The following NKAIN3 variants were observed in gnomAD, a reference collection of about 807,000 sequenced individuals.
NKAIN3 encodes sodium/potassium-transporting ATPase subunit beta-1-interacting protein 3.
A neutral mutation model predicts 30.2 loss-of-function variants in NKAIN3; 25 were observed. The observed-to-expected ratio is 0.83, with a 90% CI of 0.60 to 1.16. The LOEUF (loss-of-function observed/expected upper bound fraction) is 1.16, where lower values mean the gene tolerates loss of function less well. Among genes scored for constraint, NKAIN3 ranks in the 50% most tolerant of loss-of-function variants. NKAIN3 has a pLI of 0.00. For synonymous variants in NKAIN3, 91 were observed against 89.6 expected (o/e 1.02, Z -0.09); for missense variants, 225 against 254.1 (o/e 0.89, Z 0.78).
At chr8:62,364,086 G>A (rs1162192292) in intron 1 of NKAIN3, among the ~76,000 whole-genome samples, 1 of 152,102 alleles carries the variant, frequency 6.6e-6, no homozygotes, top group African/African-American at 2.4e-5. Flanking sequence ...TTTCATGTAT[G>A]CTTTTCTTTA....
At chr8:62,803,556 T>A (rs1310825962) in intron 4 of NKAIN3, among the ~76,000 whole-genome samples, 1 of 152,082 alleles carries the variant, frequency 6.6e-6, no homozygotes, top group East Asian at 1.9e-4. Flanking sequence ...AAGATGTTCT[T>A]TGAAACCAAC....
chr8:62,915,250 A>C (rs1822056530), intron 4 of NKAIN3, among the ~76,000 whole-genome samples: 1 of 152,208 alleles, frequency 6.6e-6, no homozygotes, highest in South Asian at 2.1e-4. Flanking sequence ...GGCAAACGAG[A>C]ATGAATAAAG....
chr8:62,711,040 G>C (rs959951013), intron 3 of NKAIN3, among the ~76,000 whole-genome samples: 24 of 152,056 alleles, frequency 1.6e-4, no homozygotes, highest in Admixed American at 1.6e-3. Flanking sequence ...TAATTGTTTT[G>C]TTTGAGAAGG....
chr8:62,401,112 T>C (rs907618684), intron 1 of NKAIN3, among the ~76,000 whole-genome samples: 4 of 151,876 alleles, frequency 2.6e-5, no homozygotes, highest in African/African-American at 9.7e-5. Flanking sequence ...ATGCATGCAT[T>C]ATTCTCATTT....
intron 1 of NKAIN3, among the ~76,000 whole-genome samples, chr8:62,459,582 A>C (rs927134388): frequency 2.6e-5 from 4 of 152,218 alleles, no homozygotes; most frequent in African/African-American, 9.6e-5. Context: ...AAGGGATGAT[A>C]AATGCAATGA....
At chr8:62,549,972 G>A (rs1585934506) in intron 1 of NKAIN3, among the ~76,000 whole-genome samples, 1 of 149,282 alleles carries the variant, frequency 6.7e-6, no homozygotes, top group East Asian at 2.0e-4. Context: ...CTATTTGTAT[G>A]TTTATTCAAA....
At chr8:62,623,009 GGT>G (rs1313107804) in intron 3 of NKAIN3, among the ~76,000 whole-genome samples, 1 of 151,514 alleles carries the variant, frequency 6.6e-6, no homozygotes, top group African/African-American at 2.4e-5. Context: ...TTATGTGTGT[GGT>G]GTGTGTGTGA....
At position 62,405,263 on chromosome 8, in the gene NKAIN3, C is replaced by G. The variant is rs1235059041; in HGVS notation, c.54+156136C>G. 2.6e-5 allele frequency among the ~76,000 whole-genome samples: 4 copies of G among 152,238 alleles called. No homozygotes were observed. The East Asian group carries it at 7.7e-4, about 29-fold the overall frequency. Reference sequence around the variant, plus strand: ...ACAAGCACTCCTTTGGCCACCCCTGCTGGCGTCTCACTGGGTTGCATCCCC... The same window carrying G: ...ACAAGCACTCCTTTGGCCACCCCTGGTGGCGTCTCACTGGGTTGCATCCCC... On this transcript the variant is annotated intron_variant, in intron 1 of 6. Coordinates refer to ENST00000623646, the MANE Select transcript of NKAIN3 (RefSeq NM_001304533.3).
chr8:62,380,339 G>A (rs1817235142), intron 1 of NKAIN3, among the ~76,000 whole-genome samples: 2 of 152,166 alleles, frequency 1.3e-5, no homozygotes, highest in Admixed American at 1.3e-4. Flanking sequence ...TATAAGTCTA[G>A]TTGTCTCTGT....
At chr8:62,537,911 C>A (rs891955218) in intron 1 of NKAIN3, among the ~76,000 whole-genome samples, 3 of 152,082 alleles carry the variant, frequency 2.0e-5, no homozygotes, top group Non-Finnish European at 2.9e-5. Context: ...TATTTACTTT[C>A]TTCCACAACC....
intron 1 of NKAIN3, among the ~76,000 whole-genome samples, chr8:62,504,253 C>G (rs562157300): frequency 1.4e-4 from 22 of 152,294 alleles, no homozygotes; most frequent in African/African-American, 5.3e-4. Flanking sequence ...GAAAAATTGT[C>G]TTCCACAAAA....
intron 4 of NKAIN3, among the ~76,000 whole-genome samples, chr8:62,850,611 C>T (rs1444134785): frequency 6.6e-6 from 1 of 152,042 alleles, no homozygotes; most frequent in Admixed American, 6.6e-5. Flanking sequence ...AGTCTATAAT[C>T]CATCTTGAAT....
In NKAIN3 at chr8:62,981,405, C is replaced by T. The variant is rs1824072586; in HGVS notation, c.*15998C>T. ...GATATTCCATTTTAATCCTGTATAA[C>T]TCAAAGAAAATTTGGGTGTTAACAC... On this transcript the variant is annotated 3_prime_UTR_variant, in exon 7 of 7. Transcript: ENST00000623646. 6.6e-6 allele frequency: 1 copy of T among 152,150 alleles called. No homozygotes were observed. The allele number at this position is 152,150 out of a possible 1,614,324, so 9.4% of individuals were successfully genotyped here.
chr8:62,620,833 G>T (rs759179790), intron 3 of NKAIN3, among the ~76,000 whole-genome samples: 12 of 152,014 alleles, frequency 7.9e-5, no homozygotes, highest in Non-Finnish European at 1.3e-4. Context: ...AAAGCTTTTG[G>T]TCAATTTTCA....
chr8:62,884,485 G>A (rs34670921), intron 4 of NKAIN3, among the ~76,000 whole-genome samples: 15,729 of 152,082 alleles, frequency 0.1, 900 homozygotes, highest in Admixed American at 0.14. Context: ...TCGAACCCCC[G>A]ACCTCAAGTG....
chr8:62,900,674 C>T (rs573951426), intron 4 of NKAIN3, among the ~76,000 whole-genome samples: 1 of 152,324 alleles, frequency 6.6e-6, no homozygotes, highest in African/African-American at 2.4e-5. Flanking sequence ...GTGCTAAGCA[C>T]TAGATATCCA....
chr8:62,522,572 C>A (rs1035824714), intron 1 of NKAIN3, among the ~76,000 whole-genome samples: 4 of 151,904 alleles, frequency 2.6e-5, no homozygotes, highest in African/African-American at 9.7e-5. Flanking sequence ...TGTCATTGAC[C>A]CTGAAGACCT....
intron 1 of NKAIN3, among the ~76,000 whole-genome samples, chr8:62,404,214 G>A (rs1273776968): frequency 6.6e-6 from 1 of 152,198 alleles, no homozygotes; most frequent in Non-Finnish European, 1.5e-5. Flanking sequence ...AAATGCAGAA[G>A]GAACTTGCCT....
rs533146305 is a variant in NKAIN3 at position 62,608,756 on chromosome 8, ATTAT to A, written c.273+18967_273+18970del. 5.6e-4 allele frequency among the ~76,000 whole-genome samples: 86 copies of A among 152,312 alleles called. 1 individual carries two copies. The South Asian group carries it at 0.017, about 30-fold the overall frequency. On this transcript the variant is annotated intron_variant, in intron 3 of 6. Coordinates refer to ENST00000623646, the MANE Select transcript of NKAIN3 (RefSeq NM_001304533.3). ...AATTATTACAGAAAGAAAGTTTTAA[ATTAT>A]TTATACAGTCTTGGCTTTGGGGGGA...
Sources: gnomAD v4.1 joint callset for allele counts (sites outside exome capture counted in the v4.1 genomes callset) on GRCh38, gnomAD v4.1.1 for gene constraint, MANE v1.5 for transcripts, NCBI Gene and HGNC (gene_info 2026-07-23, HGNC 2026-07-21) for gene names.